The following SPTBN2 variants were observed in gnomAD, a reference collection of about 807,000 sequenced individuals.
SPTBN2 encodes spectrin beta, non-erythrocytic 2, also known as spectrin beta chain, non-erythrocytic 2.
A neutral mutation model predicts 284.2 loss-of-function variants in SPTBN2; 107 were observed. The ratio of observed to expected loss-of-function variants is 0.38; its 90% CI spans 0.32 to 0.44. SPTBN2 has a LOEUF of 0.44. Ranked by LOEUF, SPTBN2 falls within the 20% of genes least tolerant of loss-of-function variation. SPTBN2 has a pLI of 1.00. For missense variants in SPTBN2, 2,569 were observed against 3,287.1 expected (o/e 0.78, Z 5.34); for synonymous variants, 1,289 against 1,354.8 (o/e 0.95, Z 1.07).
chr11:66,724,770 G>T (rs2135579219), intron 1 of SPTBN2, among the ~76,000 whole-genome samples: 1 of 152,242 alleles, frequency 6.6e-6, no homozygotes, highest in Non-Finnish European at 1.5e-5. Context: ...AGCCAGAAAG[G>T]TTCTGCCTTT....
In SPTBN2 at chr11:66,693,800, C is replaced by T. The variant is rs1672853789; in HGVS notation, c.4565G>A (p.Ser1522Asn). The change falls in exon 23 of 38, where the codon AGC (serine) becomes AAC (asparagine). Residue 1522 changes from serine (S) to asparagine (N), a missense_variant. Ser to Asn is a conservative substitution (Grantham distance 46). This residue lies in a region of SPTBN2 where 1,130 missense variants were observed against 1,317.3 expected (regional missense o/e 0.86). Transcript: ENST00000533211. This position sits in a 1 kb window ranked among gnomAD's most constrained non-coding sequence, Gnocchi z 5.7. ...SSMEHGKDLPSVQLLMKKNQT... is the reference protein window; with the variant it reads ...SSMEHGKDLPNVQLLMKKNQT... The stretch of plus-strand genomic sequence containing the variant: ...GTTTTTCTTCATGAGAAGCTGGACG[C>T]TGGGCAGGTCCTTGCCATGCTCCAT... The T allele has an allele frequency of 3.1e-6, 5 of 1,613,830 alleles. No individual in the cohort carries two copies. Among genetic ancestry groups the T allele is most frequent in the Non-Finnish European group, 4.2e-6 (5 of 1,179,906 alleles).
In SPTBN2 at chr11:66,710,333, C is replaced by T. The variant is rs1313680227; in HGVS notation, c.1073+249G>A. On this transcript the variant is annotated intron_variant, in intron 10 of 37. Transcript: ENST00000533211. The surrounding 1 kb of genome is among the most constrained non-coding windows in gnomAD (Gnocchi z 4.9). ...AGACTGGTCTCGGTGATGCGCCCGC[C>T]TTGGCCTCCCAAAGTGCTGGGATTA... 6.6e-6 allele frequency among the ~76,000 whole-genome samples: 1 copy of T among 152,238 alleles called. No individual in the cohort carries two copies. The highest frequency in any genetic ancestry group is 2.4e-5 in the African/African-American group (1 of 41,458).
rs974375741 is a variant in SPTBN2 at position 66,710,081 on chromosome 11, C to T, written c.1073+501G>A. Among the ~76,000 whole-genome samples the T allele has an allele frequency of 3.3e-5, 5 of 152,240 alleles. No individual in the cohort carries two copies. Among genetic ancestry groups the T allele is most frequent in the African/African-American group, 1.2e-4 (5 of 41,478 alleles). On this transcript the variant is annotated intron_variant, in intron 10 of 37. Coordinates refer to ENST00000533211, the MANE Select transcript of SPTBN2 (RefSeq NM_006946.4). This position sits in a 1 kb window ranked among gnomAD's most constrained non-coding sequence, Gnocchi z 4.9. ...TTTTTGAGACGGAGTCTTGCTCTGT[C>T]ACCCAGGTTGGAGTGCAGTGGCGTG...
Position 66,707,941 on chromosome 11 carries a change from C to T in SPTBN2, c.1351-123G>A, listed in dbSNP as rs909536555. 9.3e-6 allele frequency: 13 copies of T among 1,405,018 alleles called. No individual in the cohort carries two copies. In the Admixed American group the frequency reaches 1.4e-4, roughly 15 times the overall value. The allele number at this position is 1,405,018 out of a possible 1,614,324, so 87.0% of individuals were successfully genotyped here. A position where few individuals can be genotyped will look rare whatever the true frequency, so the allele number is the denominator to read the frequency against. On this transcript the variant is annotated intron_variant, in intron 12 of 37. Coordinates refer to ENST00000533211, the MANE Select transcript of SPTBN2 (RefSeq NM_006946.4). The surrounding 1 kb of genome is among the most constrained non-coding windows in gnomAD (Gnocchi z 4.9). ...TCCATGCGGTGGCTCTAAGTTCCCT[C>T]TCTATCCCACCCCCATCCTGTCTCA... is the stretch of plus-strand genomic sequence containing the variant.
chr11:66,686,585 C>T (rs1423968523), intron 36 of SPTBN2, 145 bp from the exon 37 acceptor site: 4 of 881,168 alleles, frequency 4.5e-6, no homozygotes, highest in Non-Finnish European at 7.4e-6. Context: ...TCTGCACATT[C>T]TTCAGCTTCC....
At chr11:66,686,525 C>T in intron 36 of SPTBN2, 85 bp from the exon 37 acceptor site, 4 of 1,485,394 alleles carry the variant, frequency 2.7e-6, no homozygotes, top group South Asian at 1.1e-5. Flanking sequence ...CATGACCCAA[C>T]ACCAGGCTGG....
chr11:66,704,762 C>G lies in SPTBN2; in HGVS notation c.2514G>C (p.Gln838His). The part of the protein sequence containing the change: ...PTLERHYEEL[Q>H]ARAGERARAL... The stretch of plus-strand genomic sequence containing the variant: ...CCCGCGCTCGCTCGCCTGCCCGGGC[C>G]TGCAGCTCCTCGTAGTGCCGCTCCA... Residue 838 changes from glutamine (Q) to histidine (H), a missense_variant, in exon 15 of 38, where the codon CAG becomes CAC. Physicochemically the swap from Gln to His is conservative, Grantham distance 24. Coordinates refer to ENST00000533211, the MANE Select transcript of SPTBN2 (RefSeq NM_006946.4). The G allele has an allele frequency of 6.2e-7, 1 of 1,604,596 alleles. No individual in the cohort carries two copies. Among genetic ancestry groups the G allele is most frequent in the Non-Finnish European group, 8.5e-7 (1 of 1,177,550 alleles).
intron 36 of SPTBN2, chr11:66,686,698 C>A: frequency 1.6e-6 from 1 of 629,586 alleles, no homozygotes; most frequent in Non-Finnish European, 2.8e-6. Flanking sequence ...TGCTGGCAGG[C>A]AGGGACAGGC....
At chr11:66,736,623 GAA>G (rs1422627328) in intron 1 of SPTBN2, among the ~76,000 whole-genome samples, 4 of 152,156 alleles carry the variant, frequency 2.6e-5, no homozygotes, top group Non-Finnish European at 4.4e-5. Flanking sequence ...AACAAGAAAA[GAA>G]AAAGTGTCTG....
intron 13 of SPTBN2, among the ~76,000 whole-genome samples, chr11:66,706,709 A>C (rs1941579545): frequency 6.7e-6 from 1 of 150,172 alleles, no homozygotes. Context: ...GGCTCACTGC[A>C]ACCTCCGCCT....
chr11:66,706,632 C>CTT lies in SPTBN2; in HGVS notation c.1654-797_1654-796dup, dbSNP rs1261017116. 9.0e-3 allele frequency among the ~76,000 whole-genome samples: 1,202 copies of CTT among 133,390 alleles called. 27 individuals carry two copies. The highest frequency in any genetic ancestry group is 0.031 in the African/African-American group (1,114 of 36,138). 87.5% of individuals were successfully genotyped at this position (133,390 alleles called of 152,430 possible). ...AGGCGTGAGCCACCTTGCCTAGCTGCTTTTTTTTTTTTTTTTTGACTGAGT... is the reference window on the plus strand; with the variant it reads ...AGGCGTGAGCCACCTTGCCTAGCTGCTTTTTTTTTTTTTTTTTTTGACTGAGT... On this transcript the variant is annotated intron_variant, in intron 13 of 37. Transcript: ENST00000533211.
At chr11:66,742,370 C>T (rs919401521) in intron 1 of SPTBN2, among the ~76,000 whole-genome samples, 1 of 152,120 alleles carries the variant, frequency 6.6e-6, no homozygotes. Flanking sequence ...TTGCTTCTCC[C>T]TATGTCCAGT....
At chr11:66,703,909 A>C (rs892338652) in intron 15 of SPTBN2, among the ~76,000 whole-genome samples, 3 of 152,068 alleles carry the variant, frequency 2.0e-5, no homozygotes, top group Non-Finnish European at 2.9e-5. Flanking sequence ...AGCTATTTTA[A>C]GTCCACACAG....
chr11:66,689,250 A>T, intron 29 of SPTBN2, 70 bp from the exon 30 acceptor site: 1 of 1,448,956 alleles, frequency 6.9e-7, no homozygotes, highest in South Asian at 1.2e-5. Context: ...CTGGGGAGTC[A>T]TCCAGGGGGA....
chr11:66,688,723 C>T lies in SPTBN2; in HGVS notation c.6161G>A (p.Arg2054Gln). The T allele has an allele frequency of 3.1e-6, 5 of 1,613,858 alleles. No individual in the cohort carries two copies. Among genetic ancestry groups the T allele is most frequent in the Non-Finnish European group, 3.4e-6 (4 of 1,180,034 alleles). Residue 2054 changes from arginine to glutamine, a missense_variant, in exon 31 of 38, where the codon CGG becomes CAG. Arg to Gln is a conservative substitution (Grantham distance 43). Transcript: ENST00000533211. ...TGCTGACTTCTGGAAGGCCTCGTGC[C>T]GCTTGATGAGGCTCTCAACTTCGTC... ...TVDEVESLIK[R>Q]HEAFQKSAVA... is the part of the protein sequence containing the mutation.
At chr11:66,732,683 AGG>A (rs1942822083), upstream of SPTBN2, among the ~76,000 whole-genome samples, 3 of 145,726 alleles carry the variant, frequency 2.1e-5, no homozygotes, top group Non-Finnish European at 4.5e-5. Context: ...TGGAGAAAAG[AGG>A]CTGCGCGCGG....
At chr11:66,737,255 G>GT (rs777851155) in intron 1 of SPTBN2, among the ~76,000 whole-genome samples, 41 of 152,338 alleles carry the variant, frequency 2.7e-4, no homozygotes, top group Non-Finnish European at 4.0e-4. Context: ...TTCAGTTTAT[G>GT]AAAGAACTGA....
chr11:66,721,331 T>C lies in SPTBN2; in HGVS notation c.-23+19A>G. ...AAGCCCTCCACTCACCACCGGGGCC[T>C]TCTGTCTTCTTGCCCTACCTGTGCT... On this transcript the variant is annotated intron_variant, in intron 2 of 37. Coordinates refer to ENST00000533211, the MANE Select transcript of SPTBN2 (RefSeq NM_006946.4). 1 of 1,535,554 alleles carries C rather than the reference T, an allele frequency of 6.5e-7. No individual in the cohort carries two copies. Among genetic ancestry groups the C allele is most frequent in the Non-Finnish European group, 9.0e-7 (1 of 1,112,682 alleles).
chr11:66,690,446 G>A, intron 27 of SPTBN2, 163 bp from the exon 28 acceptor site: 2 of 975,870 alleles, frequency 2.0e-6, no homozygotes, highest in South Asian at 3.5e-5. Flanking sequence ...GGCAGGGGCT[G>A]GCCACACTCT....
Sources: gnomAD v4.1 joint callset for allele counts (sites outside exome capture counted in the v4.1 genomes callset) on GRCh38, gnomAD v4.1.1 for gene constraint, gnomAD v4.1.1 regional missense constraint, Gnocchi (gnomAD v3.1) non-coding constraint, MANE v1.5 for transcripts, NCBI Gene and HGNC (gene_info 2026-07-23, HGNC 2026-07-21) for gene names.